Variants in SH3GL2 observed in about 807,000 individuals in gnomAD.
The protein encoded by SH3GL2 is endophilin-A1.
A neutral mutation model predicts 46.0 loss-of-function variants in SH3GL2; 24 were observed. The observed-to-expected ratio is 0.52, with a 90% CI of 0.38 to 0.73. SH3GL2 has a LOEUF of 0.73. Ranked by LOEUF, SH3GL2 falls within the 30% of genes least tolerant of loss-of-function variation. SH3GL2 has a pLI of 0.00. For synonymous variants in SH3GL2, 196 were observed against 147.1 expected (o/e 1.33, Z -2.40); for missense variants, 413 against 424.2 (o/e 0.97, Z 0.23).
intron 1 of SH3GL2, among the ~76,000 whole-genome samples, chr9:17,679,639 G>GC (rs1330922547): frequency 2.6e-5 from 4 of 152,104 alleles, no homozygotes; most frequent in African/African-American, 9.7e-5. Flanking sequence ...CTGCCTGATT[G>GC]CCCTGGCCAG....
chr9:17,633,834 G>C (rs2224449), intron 1 of SH3GL2, among the ~76,000 whole-genome samples: 135,209 of 152,218 alleles, frequency 0.89, 61,450 homozygotes, highest in East Asian at 1. Context: ...GTAGGTGTAT[G>C]TTCAGCTGAA....
chr9:17,745,092 T>C (rs1281751071), intron 1 of SH3GL2, among the ~76,000 whole-genome samples: 4 of 152,202 alleles, frequency 2.6e-5, no homozygotes, highest in African/African-American at 9.7e-5. Context: ...TACACAAGTA[T>C]CGGACTTTAT....
At chr9:17,639,981 T>A (rs957350384) in intron 1 of SH3GL2, among the ~76,000 whole-genome samples, 5 of 152,172 alleles carry the variant, frequency 3.3e-5, no homozygotes, top group East Asian at 1.9e-4. Context: ...AGTTGAGAGA[T>A]GGCATTTGAC....
At chr9:17,738,545 A>ATATACATACATATATACATCT (rs1563833701) in intron 1 of SH3GL2, among the ~76,000 whole-genome samples, 1 of 107,360 alleles carries the variant, frequency 9.3e-6, no homozygotes, top group Non-Finnish European at 2.2e-5. Flanking sequence ...TATATACATA[A>ATATACATACATATATACATCT]GTGTGTGTGT....
intron 1 of SH3GL2, among the ~76,000 whole-genome samples, chr9:17,642,029 A>G (rs1819698372): frequency 6.6e-6 from 1 of 152,176 alleles, no homozygotes; most frequent in South Asian, 2.1e-4. Flanking sequence ...GTCTTGCCCA[A>G]TAGTTGAACT....
intron 2 of SH3GL2, among the ~76,000 whole-genome samples, chr9:17,753,995 G>A (rs1822919889): frequency 6.6e-6 from 1 of 152,140 alleles, no homozygotes; most frequent in East Asian, 1.9e-4. Flanking sequence ...CTGTAGGTGT[G>A]CAGTTTTATT....
intron 1 of SH3GL2, among the ~76,000 whole-genome samples, chr9:17,680,020 A>G (rs562054742): frequency 6.6e-6 from 1 of 152,222 alleles, no homozygotes; most frequent in South Asian, 2.1e-4. Context: ...GTGCTGCTGG[A>G]TTCGGTTTGC....
At chr9:17,755,768 G>A (rs1461934914) in intron 2 of SH3GL2, 6 of 984,716 alleles carry the variant, frequency 6.1e-6, no homozygotes, top group South Asian at 4.7e-5. Flanking sequence ...CACAAACAAC[G>A]CCACGCTGTT....
intron 2 of SH3GL2, among the ~76,000 whole-genome samples, chr9:17,749,360 C>T (rs1306999351): frequency 6.6e-6 from 1 of 152,284 alleles, no homozygotes; most frequent in East Asian, 1.9e-4. Context: ...TGGAGTTCCT[C>T]ACGCTTCATT....
intron 1 of SH3GL2, among the ~76,000 whole-genome samples, chr9:17,712,987 C>A (rs1349904295): frequency 6.6e-6 from 1 of 151,548 alleles, no homozygotes; most frequent in Non-Finnish European, 1.5e-5. Context: ...CAGTCTTTCA[C>A]CATTAAGGAT....
At chr9:17,686,444 T>C (rs1284940760) in intron 1 of SH3GL2, among the ~76,000 whole-genome samples, 2 of 140,842 alleles carry the variant, frequency 1.4e-5, no homozygotes, top group African/African-American at 5.2e-5. Flanking sequence ...ACTGGGTATA[T>C]ACCCAAAGGA....
intron 1 of SH3GL2, among the ~76,000 whole-genome samples, chr9:17,742,498 T>G (rs2118502820): frequency 6.6e-6 from 1 of 152,344 alleles, no homozygotes; most frequent in Middle Eastern, 3.4e-3. Context: ...ATTGTATTAT[T>G]TATTTTCTTT....
At chr9:17,579,403 C>T in intron 1 of SH3GL2, 116 bp downstream of exon 1, 2 of 516,762 alleles carry the variant, frequency 3.9e-6, no homozygotes, top group South Asian at 1.8e-4. Context: ...CTCGCCCGCG[C>T]CGGCCGCGCC....
chr9:17,714,977 G>T (rs1206664346), intron 1 of SH3GL2, among the ~76,000 whole-genome samples: 1 of 151,474 alleles, frequency 6.6e-6, no homozygotes, highest in Non-Finnish European at 1.5e-5. Flanking sequence ...CTGTGTTTTT[G>T]GAAGGTGTTT....
intron 1 of SH3GL2, among the ~76,000 whole-genome samples, chr9:17,599,639 C>T (rs528706078): frequency 1.3e-5 from 2 of 152,296 alleles, no homozygotes; most frequent in African/African-American, 4.8e-5. Context: ...ATGATGTGAT[C>T]TACATTCACA....
At chr9:17,688,859 G>A (rs1046060533) in intron 1 of SH3GL2, among the ~76,000 whole-genome samples, 1 of 152,004 alleles carries the variant, frequency 6.6e-6, no homozygotes, top group African/African-American at 2.4e-5. Context: ...TGGGGGAGAA[G>A]ACACATACTT....
intron 1 of SH3GL2, among the ~76,000 whole-genome samples, chr9:17,744,770 A>G (rs966647006): frequency 3.9e-5 from 6 of 152,210 alleles, no homozygotes; most frequent in Non-Finnish European, 7.3e-5. Flanking sequence ...TTGCCAAACA[A>G]GGTCACAGTT....
intron 1 of SH3GL2, among the ~76,000 whole-genome samples, chr9:17,722,142 C>T (rs1821910794): frequency 6.6e-6 from 1 of 152,054 alleles, no homozygotes; most frequent in Admixed American, 6.6e-5. Context: ...GTGACATACC[C>T]AGAAAGTGGC....
intron 1 of SH3GL2, among the ~76,000 whole-genome samples, chr9:17,648,257 T>G (rs1225742663): frequency 6.6e-6 from 1 of 152,158 alleles, no homozygotes; most frequent in African/African-American, 2.4e-5. Context: ...CACTTGTATA[T>G]AGAGAGATCT....
Sources: allele counts gnomAD v4.1 joint callset (sites outside exome capture counted in the v4.1 genomes callset), GRCh38; gene constraint gnomAD v4.1.1; transcripts MANE v1.5; gene names NCBI Gene and HGNC (gene_info 2026-07-23, HGNC 2026-07-21).